Variants in SORCS3 observed in about 807,000 individuals in gnomAD.
SORCS3 encodes VPS10 domain-containing receptor SorCS3.
Under a neutral mutation model 146.3 loss-of-function variants are expected in SORCS3, and 57 were observed. The observed-to-expected ratio is 0.39, with a 90% CI of 0.31 to 0.49. The LOEUF (loss-of-function observed/expected upper bound fraction) is 0.49, where lower values mean the gene tolerates loss of function less well. Ranked by LOEUF, SORCS3 falls within the 20% of genes least tolerant of loss-of-function variation. The probability of loss-of-function intolerance (pLI) is 0.92; values close to 1 mark genes in which losing one functional copy is unlikely to be tolerated. For missense variants in SORCS3, 1,341 were observed against 1,575.5 expected (o/e 0.85, Z 2.52); for synonymous variants, 653 against 618.5 (o/e 1.06, Z -0.83).
At chr10:104,664,387 A>G (rs771809017) in intron 1 of SORCS3, among the ~76,000 whole-genome samples, 2 of 152,194 alleles carry the variant, frequency 1.3e-5, no homozygotes, top group Non-Finnish European at 2.9e-5. Flanking sequence ...GGATGTGAAA[A>G]TGCCACAGGC....
At chr10:104,875,963 A>G (rs2018567319) in intron 2 of SORCS3, among the ~76,000 whole-genome samples, 1 of 152,186 alleles carries the variant, frequency 6.6e-6, no homozygotes, top group Admixed American at 6.5e-5. Flanking sequence ...ACAGCCAAAC[A>G]TAAACCCACA....
At chr10:105,240,781 C>T (rs1429747709) in intron 20 of SORCS3, among the ~76,000 whole-genome samples, 1 of 151,962 alleles carries the variant, frequency 6.6e-6, no homozygotes, top group East Asian at 1.9e-4. Context: ...TCTCATGCCC[C>T]TTCTAAGTCA....
At chr10:105,169,022 A>G (rs1194627580) in intron 13 of SORCS3, among the ~76,000 whole-genome samples, 2 of 152,154 alleles carry the variant, frequency 1.3e-5, no homozygotes, top group Non-Finnish European at 2.9e-5. Context: ...GATAGTCAGT[A>G]TTTATTAAGG....
chr10:104,680,973 G>C (rs370233291), intron 1 of SORCS3, among the ~76,000 whole-genome samples: 2 of 152,352 alleles, frequency 1.3e-5, no homozygotes, highest in East Asian at 1.9e-4. Context: ...GAGAGCAGGA[G>C]GGACAGGCGC....
intron 1 of SORCS3, among the ~76,000 whole-genome samples, chr10:104,794,677 T>G (rs1564685581): frequency 7.1e-6 from 1 of 141,514 alleles, no homozygotes; most frequent in Non-Finnish European, 1.5e-5. Context: ...TCCAGCATAG[T>G]AGAAAAGGAA....
intron 13 of SORCS3, among the ~76,000 whole-genome samples, chr10:105,171,092 T>G (rs1174303637): frequency 6.6e-6 from 1 of 152,154 alleles, no homozygotes; most frequent in Non-Finnish European, 1.5e-5. Flanking sequence ...CCCACTGGGA[T>G]GTAGTGGCTC....
intron 2 of SORCS3, among the ~76,000 whole-genome samples, chr10:104,879,373 C>T (rs889397524): frequency 3.9e-5 from 6 of 152,068 alleles, no homozygotes; most frequent in Non-Finnish European, 8.8e-5. Context: ...CAGGCCAAGT[C>T]CTTCTCACCT....
At chr10:104,844,189 A>C (rs2018178458) in intron 2 of SORCS3, among the ~76,000 whole-genome samples, 3 of 152,188 alleles carry the variant, frequency 2.0e-5, no homozygotes, top group Non-Finnish European at 4.4e-5. Flanking sequence ...ATAAGTAACT[A>C]GCATGCCTCG....
chr10:104,900,724 A>C, intron 2 of SORCS3, among the ~76,000 whole-genome samples: 1 of 151,988 alleles, frequency 6.6e-6, no homozygotes, highest in East Asian at 1.9e-4. Flanking sequence ...CCCCGTCTCT[A>C]CTAAAAATGC....
intron 11 of SORCS3, among the ~76,000 whole-genome samples, chr10:105,162,853 G>C (rs1406842243): frequency 6.6e-6 from 1 of 152,118 alleles, no homozygotes; most frequent in Non-Finnish European, 1.5e-5. Context: ...CTCTTTCTCT[G>C]TCACCCTTGG....
At chr10:104,816,065 CT>C (rs2017794495) in intron 1 of SORCS3, among the ~76,000 whole-genome samples, 1 of 152,006 alleles carries the variant, frequency 6.6e-6, no homozygotes, top group African/African-American at 2.4e-5. Context: ...TTCTTTTTCG[CT>C]TTTGAATTAT....
At chr10:104,703,657 C>T (rs2016305244) in intron 1 of SORCS3, among the ~76,000 whole-genome samples, 1 of 150,278 alleles carries the variant, frequency 6.7e-6, no homozygotes, top group Non-Finnish European at 1.5e-5. Flanking sequence ...CATCAAACCA[C>T]CATGTCACAC....
At chr10:104,743,794 C>G (rs2016877138) in intron 1 of SORCS3, among the ~76,000 whole-genome samples, 1 of 152,084 alleles carries the variant, frequency 6.6e-6, no homozygotes, top group African/African-American at 2.4e-5. Context: ...TCCGCCTTGT[C>G]TGTACCGATG....
At chr10:104,858,689 T>C (rs1468072313) in intron 2 of SORCS3, among the ~76,000 whole-genome samples, 6 of 151,198 alleles carry the variant, frequency 4.0e-5, no homozygotes, top group Non-Finnish European at 7.4e-5. Flanking sequence ...TGGTGTGATC[T>C]CGGCTCACTG....
chr10:105,032,183 A>C (rs2055272945), intron 4 of SORCS3, among the ~76,000 whole-genome samples: 1 of 152,010 alleles, frequency 6.6e-6, no homozygotes, highest in Non-Finnish European at 1.5e-5. Context: ...CAAGAGTGAA[A>C]CTCCATTTTA....
intron 4 of SORCS3, among the ~76,000 whole-genome samples, chr10:105,037,683 C>T (rs1406442432): frequency 2.0e-5 from 3 of 152,146 alleles, no homozygotes; most frequent in African/African-American, 7.2e-5. Context: ...TTAGGGCCCA[C>T]CCTAACACCC....
intron 1 of SORCS3, among the ~76,000 whole-genome samples, chr10:104,679,554 C>A (rs1297672376): frequency 6.6e-6 from 1 of 152,184 alleles, no homozygotes; most frequent in Non-Finnish European, 1.5e-5. Flanking sequence ...CCCTTTACAC[C>A]AAATCTACTT....
chr10:105,075,015 T>A (rs1267176056), intron 5 of SORCS3, among the ~76,000 whole-genome samples: 1 of 152,208 alleles, frequency 6.6e-6, no homozygotes, highest in Non-Finnish European at 1.5e-5. Flanking sequence ...TACACCTGGT[T>A]CCTTTTTCTT....
At chr10:104,867,270 C>A (rs1008265570) in intron 2 of SORCS3, among the ~76,000 whole-genome samples, 1 of 149,098 alleles carries the variant, frequency 6.7e-6, no homozygotes, top group African/African-American at 2.5e-5. Flanking sequence ...GGAAGCAGGG[C>A]TGGGATTAGG....
Sources: allele counts gnomAD v4.1 joint callset (sites outside exome capture counted in the v4.1 genomes callset), GRCh38; gene constraint gnomAD v4.1.1; transcripts MANE v1.5; gene names NCBI Gene and HGNC (gene_info 2026-07-23, HGNC 2026-07-21).